The following TRIM3 variants were observed in gnomAD, a reference collection of about 807,000 sequenced individuals.
TRIM3 encodes tripartite motif containing 3, also known as tripartite motif-containing protein 3.
TRIM3 carries 13 observed loss-of-function variants against 66.6 expected under a neutral mutation model. The ratio of observed to expected loss-of-function variants is 0.20; its 90% CI spans 0.13 to 0.31. The LOEUF is 0.31. Ranked by LOEUF, TRIM3 falls within the 10% of genes least tolerant of loss-of-function variation. The probability of loss-of-function intolerance (pLI) is 1.00; values close to 1 mark genes in which losing one functional copy is unlikely to be tolerated. For missense variants in TRIM3, 711 were observed against 1,020.4 expected (o/e 0.70, Z 4.13); for synonymous variants, 406 against 411.7 (o/e 0.99, Z 0.17).
At chr11:6,463,731 A>G (rs1850335782) in intron 2 of TRIM3, among the ~76,000 whole-genome samples, 1 of 152,192 alleles carries the variant, frequency 6.6e-6, no homozygotes. Flanking sequence ...ATGACTACAG[A>G]TAAGATTCTG....
At position 6,457,721 on chromosome 11, in the gene TRIM3, G is replaced by A. The variant is rs776294933; in HGVS notation, c.490C>T (p.Arg164Cys). The A allele has an allele frequency of 2.1e-5, 34 of 1,613,336 alleles. No individual in the cohort carries two copies. The highest frequency in any genetic ancestry group is 1.3e-4 in the East Asian group (6 of 44,858). ...CGGCCACGCACAGCCTCGAGCTGGC[G>A]CTGCAGGGCCGCCTTGTGCTGCTCC... is the stretch of plus-strand genomic sequence containing the variant. ...VVEQHKAALQ[R>C]QLEAVRGRLP... The change falls in exon 4 of 12, where the codon CGC (arginine) becomes TGC (cysteine). Residue 164 changes from arginine (R) to cysteine (C), a missense_variant. Transcript: ENST00000345851. The surrounding 1 kb of genome is among the most constrained non-coding windows in gnomAD (Gnocchi z 4.5).
chr11:6,472,664 GCT>G (rs1850732485), intron 1 of TRIM3, among the ~76,000 whole-genome samples: 1 of 152,196 alleles, frequency 6.6e-6, no homozygotes, highest in Non-Finnish European at 1.5e-5. Flanking sequence ...TTACAGGAGA[GCT>G]CTGTTTAAAT....
At chr11:6,464,506 A>G (rs1436188149) in intron 2 of TRIM3, among the ~76,000 whole-genome samples, 1 of 152,198 alleles carries the variant, frequency 6.6e-6, no homozygotes, top group East Asian at 1.9e-4. Context: ...TAAAAGTTAT[A>G]TTTATCTATA....
chr11:6,460,579 AG>A (rs1270143005), intron 2 of TRIM3, among the ~76,000 whole-genome samples: 2 of 152,170 alleles, frequency 1.3e-5, no homozygotes, highest in Non-Finnish European at 2.9e-5. Flanking sequence ...GAGAGGCACT[AG>A]GGACATAGGA....
chr11:6,448,971 C>T lies in TRIM3; in HGVS notation c.*57G>A. The T allele has an allele frequency of 4.4e-6, 7 of 1,601,950 alleles. No homozygotes were observed. The South Asian group carries it at 7.7e-5, about 18-fold the overall frequency. On this transcript the variant is annotated 3_prime_UTR_variant, in exon 12 of 12. Transcript: ENST00000345851. ...CTGGCCCACCTCCCAGCCAGACCCTCTTGTCCAATCACCCCAATGTCTGTC... is the reference window on the plus strand; with the variant it reads ...CTGGCCCACCTCCCAGCCAGACCCTTTTGTCCAATCACCCCAATGTCTGTC...
At position 6,450,497 on chromosome 11, in the gene TRIM3, T is replaced by A; in HGVS notation, c.1941+54A>T. ...GGAGGTAAAATAGAGAGGAGTCTTG[T>A]GGAAGAGGAAAGGATGTTGGGACAG... On this transcript the variant is annotated intron_variant, in intron 10 of 11. Transcript: ENST00000345851. The surrounding 1 kb of genome is among the most constrained non-coding windows in gnomAD (Gnocchi z 4.8). 6.7e-7 allele frequency: 1 copy of A among 1,487,860 alleles called. No individual in the cohort carries two copies. 92.2% of individuals were successfully genotyped at this position (1,487,860 alleles called of 1,614,324 possible). A position where few individuals can be genotyped will look rare whatever the true frequency, so the allele number is the denominator to read the frequency against.
chr11:6,450,447 T>C lies in TRIM3; in HGVS notation c.1941+104A>G, dbSNP rs1849674105. 6.0e-6 allele frequency: 6 copies of C among 1,002,098 alleles called. No individual in the cohort carries two copies. The highest frequency in any genetic ancestry group is 9.5e-6 in the Non-Finnish European group (6 of 634,786). 62.1% of individuals were successfully genotyped at this position (1,002,098 alleles called of 1,614,324 possible). A position where few individuals can be genotyped will look rare whatever the true frequency, so the allele number is the denominator to read the frequency against. Reference sequence around the variant, plus strand: ...AATGTGTAAATGTGTATTGTTTGAGTGAATGATCTCAAAGGGGAAAAGGAG... The same window carrying C: ...AATGTGTAAATGTGTATTGTTTGAGCGAATGATCTCAAAGGGGAAAAGGAG... On this transcript the variant is annotated intron_variant, in intron 10 of 11. Transcript: ENST00000345851. The surrounding 1 kb of genome is among the most constrained non-coding windows in gnomAD (Gnocchi z 4.8).
intron 2 of TRIM3, among the ~76,000 whole-genome samples, chr11:6,460,634 T>C (rs1850185235): frequency 6.6e-6 from 1 of 152,066 alleles, no homozygotes; most frequent in African/African-American, 2.4e-5. Context: ...TGGCTCAGAT[T>C]AGTCAGTGAT....
chr11:6,464,271 T>C (rs933117625), intron 2 of TRIM3, among the ~76,000 whole-genome samples: 3 of 152,196 alleles, frequency 2.0e-5, no homozygotes, highest in African/African-American at 7.2e-5. Flanking sequence ...GCTCTAGCCC[T>C]ACCAGGCTTC....
chr11:6,464,986 C>CAAAAAA (rs544959608), intron 2 of TRIM3, among the ~76,000 whole-genome samples: 32 of 54,134 alleles, frequency 5.9e-4, no homozygotes, highest in African/African-American at 1.4e-3. Context: ...GACTCCATCT[C>CAAAAAA]AAAAAAAAAA....
Position 6,457,568 on chromosome 11 carries a change from G to T in TRIM3, c.516-92C>A. On this transcript the variant is annotated intron_variant, in intron 4 of 11. Transcript: ENST00000345851. The surrounding 1 kb of genome is among the most constrained non-coding windows in gnomAD (Gnocchi z 4.5). ...GGGAACCTACTGCTGCCCTCATGGA[G>T]ATCTCCTTCCTGAGACCTCCCTGAG... 6.4e-7 allele frequency: 1 copy of T among 1,558,212 alleles called. No individual in the cohort carries two copies. The highest frequency in any genetic ancestry group is 1.2e-5 in the South Asian group (1 of 83,868).
At chr11:6,472,250 TG>T (rs138183758) in intron 1 of TRIM3, among the ~76,000 whole-genome samples, 176 of 152,314 alleles carry the variant, frequency 1.2e-3, no homozygotes, top group African/African-American at 4.0e-3. Flanking sequence ...AGAAGAGGGA[TG>T]TTTTCTCAAA....
chr11:6,463,341 A>G (rs1043669895), intron 2 of TRIM3, among the ~76,000 whole-genome samples: 4 of 152,272 alleles, frequency 2.6e-5, no homozygotes, highest in African/African-American at 9.6e-5. Context: ...GTATGTATAA[A>G]TCACTTAGCC....
At chr11:6,474,053 G>T (rs1363359061), upstream of TRIM3, 2 of 21,594 alleles carry the variant, frequency 9.3e-5, no homozygotes, top group Middle Eastern at 0.026. Flanking sequence ...CGCCCACCCC[G>T]CCTGCCCACC....
chr11:6,453,849 T>C (rs957386371), intron 7 of TRIM3, among the ~76,000 whole-genome samples: 1 of 152,152 alleles, frequency 6.6e-6, no homozygotes, highest in Non-Finnish European at 1.5e-5. Flanking sequence ...CCAATCCCCA[T>C]GTACTGAGAG....
At chr11:6,462,934 C>T (rs916897471) in intron 2 of TRIM3, among the ~76,000 whole-genome samples, 4 of 151,962 alleles carry the variant, frequency 2.6e-5, no homozygotes, top group East Asian at 1.9e-4. Context: ...AAGCTGGGCA[C>T]GGTGACTCAC....
intron 1 of TRIM3, among the ~76,000 whole-genome samples, chr11:6,472,039 CT>C (rs1305998939): frequency 6.6e-6 from 1 of 152,184 alleles, no homozygotes; most frequent in Non-Finnish European, 1.5e-5. Flanking sequence ...AGCGAGAACC[CT>C]GGTAGTCTTC....
chr11:6,449,058 G>C lies in TRIM3; in HGVS notation c.2205C>G (p.His735Gln), dbSNP rs766781718. 1.9e-6 allele frequency: 3 copies of C among 1,614,198 alleles called. No individual in the cohort carries two copies. Among genetic ancestry groups the C allele is most frequent in the Non-Finnish European group, 2.5e-6 (3 of 1,180,018 alleles). The change falls in exon 12 of 12, where the codon CAC (histidine) becomes CAG (glutamine). Residue 735 changes from histidine (H) to glutamine (Q), a missense_variant. Transcript: ENST00000345851. The surrounding 1 kb of genome is among the most constrained non-coding windows in gnomAD (Gnocchi z 5.3). Reference sequence around the variant, plus strand: ...GGAGGTAGCGATAGGCTTTAAAGCAGTGGTTGCCAGCATCAGCCACCACCA... The same window carrying C: ...GGAGGTAGCGATAGGCTTTAAAGCACTGGTTGCCAGCATCAGCCACCACCA... The part of the protein sequence containing the change: ...GHVVVADAGN[H>Q]CFKAYRYLQ
chr11:6,453,393 T>C (rs954214705), intron 7 of TRIM3: 7 of 152,236 alleles, frequency 4.6e-5, no homozygotes, highest in African/African-American at 1.7e-4. Context: ...ATCTCTAGAA[T>C]CTGCTGGTGT....
Sources: allele counts gnomAD v4.1 joint callset (sites outside exome capture counted in the v4.1 genomes callset), GRCh38; gene constraint gnomAD v4.1.1; non-coding constraint Gnocchi (gnomAD v3.1); transcripts MANE v1.5; gene names NCBI Gene and HGNC (gene_info 2026-07-23, HGNC 2026-07-21).